The following MRPL34 variants were observed in gnomAD, a reference collection of about 807,000 sequenced individuals.
MRPL34 encodes the protein mitochondrial ribosomal protein L34.
MRPL34 carries 8 observed loss-of-function variants against 6.7 expected under a neutral mutation model. The observed-to-expected ratio is 1.20, with a 90% CI of 0.70 to 2.16. MRPL34 has a LOEUF of 2.16. Among genes scored for constraint, MRPL34 ranks in the 30% most tolerant of loss-of-function variants. MRPL34 has a pLI of 0.00. For missense variants in MRPL34, 146 were observed against 125.5 expected, an observed-to-expected ratio of 1.16 and a Z score of -0.78; for synonymous variants, 59 against 55.1, an observed-to-expected ratio of 1.07 and a Z score of -0.31.
intron 1 of MRPL34, chr19:17,297,619 A>G (rs1265733315): frequency 2.6e-5 from 4 of 152,102 alleles, no homozygotes. Flanking sequence ...AATTAGAGGA[A>G]TCATTTCTCA....
chr19:17,301,434 T>C (rs746107446), upstream of MRPL34: 13 of 1,612,094 alleles, frequency 8.1e-6, no homozygotes, highest in Non-Finnish European at 3.4e-6. Flanking sequence ...AGGATGCGGA[T>C]GATGGTGGAG....
At chr19:17,296,761 C>G (rs1338975275) in intron 1 of MRPL34, 1 of 149,072 alleles carries the variant, frequency 6.7e-6, no homozygotes, top group Non-Finnish European at 1.5e-5. Flanking sequence ...GTGGCGCGAT[C>G]TCGGCTCACT....
upstream of MRPL34, chr19:17,305,764 GT>G: frequency 1.0e-6 from 1 of 953,672 alleles, no homozygotes. Context: ...CAACTTCAGG[GT>G]TTTCCCCAAC....
chr19:17,303,635 G>T (rs8102850), upstream of MRPL34, among the ~76,000 whole-genome samples: 1,571 of 152,320 alleles, frequency 0.01, 25 homozygotes, highest in African/African-American at 0.036. Context: ...GGAGAAGGGG[G>T]TTGCAGTCTA....
chr19:17,305,818 T>C (rs371758622), upstream of MRPL34: 3 of 1,435,378 alleles, frequency 2.1e-6, no homozygotes, highest in East Asian at 6.8e-5. Context: ...TTTCCCATAA[T>C]CCTTTGTTCC....
chr19:17,305,502 G>C (rs1161055040), upstream of MRPL34, among the ~76,000 whole-genome samples: 1 of 152,194 alleles, frequency 6.6e-6, no homozygotes, highest in African/African-American at 2.4e-5. Flanking sequence ...CTCCCGCTGG[G>C]GGCGGGAAGA....
chr19:17,300,689 A>T (rs1202581563), upstream of MRPL34, among the ~76,000 whole-genome samples: 1 of 152,066 alleles, frequency 6.6e-6, no homozygotes. Context: ...CCTTGGCCAG[A>T]CTGTTCCCGA....
At chr19:17,302,192 T>A (rs1292572090), upstream of MRPL34, 1 of 152,240 alleles carries the variant, frequency 6.6e-6, no homozygotes, top group Non-Finnish European at 1.5e-5. Context: ...CCCCACAGGG[T>A]GTCCACAGGG....
upstream of MRPL34, among the ~76,000 whole-genome samples, chr19:17,298,907 AT>A (rs1377349810): frequency 6.6e-6 from 1 of 151,806 alleles, no homozygotes; most frequent in Non-Finnish European, 1.5e-5. Context: ...TGCCTGGTTA[AT>A]TTTTTGTACT....
At chr19:17,298,669 C>A (rs749836481), upstream of MRPL34, among the ~76,000 whole-genome samples, 20 of 151,054 alleles carry the variant, frequency 1.3e-4, no homozygotes, top group Non-Finnish European at 1.9e-4. Context: ...ACTAAACATC[C>A]TATAGCCCCT....
chr19:17,300,827 C>T (rs144317638), upstream of MRPL34: 123 of 1,559,866 alleles, frequency 7.9e-5, no homozygotes, highest in East Asian at 2.6e-3. Context: ...CATCCCTCAC[C>T]CCCACCCCAC....
At position 17,305,912 on chromosome 19, in the gene MRPL34, C is replaced by T. The variant is rs754507694; in HGVS notation, c.20C>T (p.Ser7Phe). 1.2e-6 allele frequency: 2 copies of T among 1,614,100 alleles called. No homozygotes were observed. The highest frequency in any genetic ancestry group is 1.7e-6 in the Non-Finnish European group (2 of 1,180,004). ...GCGGATATGGCTGTCTTGGCTGGATCCCTGTTGGGCCCCACGAGTAGGTCG... is the reference window on the plus strand; with the variant it reads ...GCGGATATGGCTGTCTTGGCTGGATTCCTGTTGGGCCCCACGAGTAGGTCG... MAVLAG[S>F]LLGPTSRSAA... The change falls in exon 1 of 2, where the codon TCC becomes TTC. Residue 7 changes from serine (S) to phenylalanine (F), a missense_variant. Transcript: ENST00000252602.
At chr19:17,299,422 A>G (rs1016316065), upstream of MRPL34, among the ~76,000 whole-genome samples, 3 of 151,876 alleles carry the variant, frequency 2.0e-5, no homozygotes, top group Non-Finnish European at 4.4e-5. Flanking sequence ...TTAGCCAGGC[A>G]TGGTAGCGGG....
At position 17,306,180 on chromosome 19, in the gene MRPL34, G is replaced by T. The variant is rs962996290; in HGVS notation, c.80G>T (p.Arg27Leu). 2.0e-6 allele frequency: 3 copies of T among 1,530,594 alleles called. No individual in the cohort carries two copies. Among genetic ancestry groups the T allele is most frequent in the Non-Finnish European group, 2.6e-6 (3 of 1,141,872 alleles). 94.8% of individuals were successfully genotyped at this position (1,530,594 alleles called of 1,614,324 possible). Reference sequence around the variant, plus strand: ...TACCCACGCAGGTGGCTCCAGCCCCGGGCCTGGCTGGGGTTCCCAGACGCC... The same window carrying T: ...TACCCACGCAGGTGGCTCCAGCCCCTGGCCTGGCTGGGGTTCCCAGACGCC... ...ALLGGRWLQP[R>L]AWLGFPDAWG... Residue 27 changes from arginine to leucine, a missense_variant, in exon 2 of 2, where the codon CGG (arginine) becomes CTG (leucine). By Grantham distance (102) the Arg-to-Leu change is moderately radical. Transcript: ENST00000252602.
At chr19:17,296,956 A>G (rs926349232) in intron 1 of MRPL34, among the ~76,000 whole-genome samples, 2 of 152,152 alleles carry the variant, frequency 1.3e-5, no homozygotes, top group African/African-American at 4.8e-5. Flanking sequence ...TGGCCTCCCA[A>G]AGTGCTGGGA....
At chr19:17,294,120 G>C (rs1444413186) in intron 1 of MRPL34, among the ~76,000 whole-genome samples, 2 of 152,010 alleles carry the variant, frequency 1.3e-5, no homozygotes, top group Non-Finnish European at 2.9e-5. Flanking sequence ...GTTTGCCTGG[G>C]GTCAGAACAA....
At chr19:17,303,223 G>C (rs1484813179), upstream of MRPL34, 1 of 152,256 alleles carries the variant, frequency 6.6e-6, no homozygotes, top group Non-Finnish European at 1.5e-5. Context: ...TCTCCTTTTG[G>C]GGCCCGTTCC....
At chr19:17,301,852 G>C (rs2074121533), upstream of MRPL34, among the ~76,000 whole-genome samples, 1 of 151,972 alleles carries the variant, frequency 6.6e-6, no homozygotes, top group Non-Finnish European at 1.5e-5. Flanking sequence ...GGAGGGCAGT[G>C]GCCGGATTTC....
intron 1 of MRPL34, chr19:17,294,388 C>T: frequency 1.9e-6 from 3 of 1,613,974 alleles, no homozygotes; most frequent in Non-Finnish European, 2.5e-6. Flanking sequence ...GACCTCGTCG[C>T]CCTCGGGCCA....
Sources: gnomAD v4.1 joint callset for allele counts (sites outside exome capture counted in the v4.1 genomes callset) on GRCh38, gnomAD v4.1.1 for gene constraint, MANE v1.5 for transcripts, NCBI Gene and HGNC (gene_info 2026-07-23, HGNC 2026-07-21) for gene names.